Variants in PCDH9 observed in about 807,000 individuals in gnomAD.
The protein encoded by PCDH9 is protocadherin 9, also known as protocadherin-9.
A neutral mutation model predicts 70.6 loss-of-function variants in PCDH9; 24 were observed. That is an observed-to-expected ratio of 0.34 (90% confidence interval 0.25 to 0.48). The LOEUF is 0.48. Ranked by LOEUF, PCDH9 falls within the 20% of genes least tolerant of loss-of-function variation. The pLI is 0.99. For missense variants in PCDH9, 1,281 were observed against 1,503.6 expected (o/e 0.85, Z 2.45); for synonymous variants, 562 against 558.5 (o/e 1.01, Z -0.09).
At chr13:66,834,937 T>G (rs2080991039) in intron 3 of PCDH9, among the ~76,000 whole-genome samples, 1 of 152,208 alleles carries the variant, frequency 6.6e-6, no homozygotes, top group Non-Finnish European at 1.5e-5. Context: ...TAAGTTGAGG[T>G]CAGAAAATAT....
chr13:67,111,190 C>T (rs2086652320), intron 2 of PCDH9, among the ~76,000 whole-genome samples: 1 of 152,252 alleles, frequency 6.6e-6, no homozygotes, highest in African/African-American at 2.4e-5. Flanking sequence ...TTTCTAATCA[C>T]TTTTTGTAAA....
chr13:67,055,278 G>A (rs1209456674), intron 2 of PCDH9, among the ~76,000 whole-genome samples: 1 of 152,180 alleles, frequency 6.6e-6, no homozygotes, highest in Non-Finnish European at 1.5e-5. Flanking sequence ...ATTGGTCAAA[G>A]TGAACTCTGA....
rs547235297 is a variant in PCDH9 at position 66,611,711 on chromosome 13, A to C, written c.3340+19499T>G. On this transcript the variant is annotated intron_variant, in intron 4 of 4. Coordinates refer to ENST00000377865, the MANE Select transcript of PCDH9 (RefSeq NM_203487.3). ...ATTTGAATATAGGGAAGACTGGTCT[A>C]ATATTTCTTTCCTTGTTTGTTGTGA... is the stretch of plus-strand genomic sequence containing the variant. 1.6e-4 allele frequency among the ~76,000 whole-genome samples: 24 copies of C among 152,300 alleles called. No homozygotes were observed. In the South Asian group the frequency reaches 5.0e-3, roughly 32 times the overall value.
At chr13:66,749,955 TC>T (rs1236450170) in intron 3 of PCDH9, among the ~76,000 whole-genome samples, 2 of 152,080 alleles carry the variant, frequency 1.3e-5, no homozygotes. Flanking sequence ...TTTTGATCTG[TC>T]CATTTAAAAA....
At chr13:66,870,717 T>C (rs982466768) in intron 3 of PCDH9, among the ~76,000 whole-genome samples, 5 of 152,020 alleles carry the variant, frequency 3.3e-5, no homozygotes, top group African/African-American at 7.2e-5. Flanking sequence ...AGAATGGCAA[T>C]CATTAAAAAG....
intron 4 of PCDH9, among the ~76,000 whole-genome samples, chr13:66,361,422 A>G (rs1339672724): frequency 6.6e-6 from 1 of 152,194 alleles, no homozygotes; most frequent in Non-Finnish European, 1.5e-5. Context: ...TAATACAGAA[A>G]GAGTATTCTC....
intron 2 of PCDH9, among the ~76,000 whole-genome samples, chr13:67,010,488 C>T (rs1566360827): frequency 6.6e-6 from 1 of 152,120 alleles, no homozygotes; most frequent in East Asian, 1.9e-4. Context: ...AACAGGTATA[C>T]TTGGAAGTCA....
chr13:66,939,924 C>A (rs1360496738), intron 2 of PCDH9, among the ~76,000 whole-genome samples: 1 of 152,022 alleles, frequency 6.6e-6, no homozygotes, highest in Non-Finnish European at 1.5e-5. Context: ...CTTAGTTCTT[C>A]AATTTGATGT....
chr13:66,729,191 G>C (rs572907257), intron 3 of PCDH9, among the ~76,000 whole-genome samples: 1 of 152,036 alleles, frequency 6.6e-6, no homozygotes, highest in South Asian at 2.1e-4. Flanking sequence ...TGTTTCTTTG[G>C]TGAGTGAAAG....
intron 2 of PCDH9, among the ~76,000 whole-genome samples, chr13:67,084,729 G>A (rs965503093): frequency 7.9e-5 from 12 of 151,670 alleles, no homozygotes; most frequent in Non-Finnish European, 1.6e-4. Flanking sequence ...CTAGCACTTT[G>A]GTGGCTGAGG....
intron 3 of PCDH9, among the ~76,000 whole-genome samples, chr13:66,792,137 T>C (rs1218639750): frequency 1.3e-5 from 2 of 152,190 alleles, no homozygotes; most frequent in Non-Finnish European, 2.9e-5. Flanking sequence ...AGTCAGTAAA[T>C]GAAAACATTT....
At chr13:67,028,812 A>G (rs1016618018) in intron 2 of PCDH9, among the ~76,000 whole-genome samples, 8 of 152,146 alleles carry the variant, frequency 5.3e-5, no homozygotes, top group African/African-American at 1.9e-4. Context: ...TGAAACCTCA[A>G]TTTTAATGAA....
At position 66,928,858 on chromosome 13, in the gene PCDH9, GAA is replaced by G. The variant is rs56344128; in HGVS notation, c.3037-25255_3037-25254del. Among the ~76,000 whole-genome samples the G allele has an allele frequency of 7.3e-5, 11 of 150,512 alleles. No individual in the cohort carries two copies. In the East Asian group the frequency reaches 1.8e-3, roughly 24 times the overall value. On this transcript the variant is annotated intron_variant, in intron 2 of 4. Coordinates refer to ENST00000377865, the MANE Select transcript of PCDH9 (RefSeq NM_203487.3). Reference sequence around the variant, plus strand: ...ACAGACTAAGACAGACATAACGAGGGAAAAAAAAATGACTTTGTGTTTCCAGT... The same window carrying G: ...ACAGACTAAGACAGACATAACGAGGGAAAAAAATGACTTTGTGTTTCCAGT...
At chr13:67,026,517 C>T (rs2084784946) in intron 2 of PCDH9, among the ~76,000 whole-genome samples, 1 of 152,010 alleles carries the variant, frequency 6.6e-6, no homozygotes, top group Admixed American at 6.6e-5. Flanking sequence ...ACAGGGATGC[C>T]CTCCCTCACC....
At chr13:66,624,945 T>C (rs114708537) in intron 4 of PCDH9, among the ~76,000 whole-genome samples, 625 of 52,452 alleles carry the variant, frequency 0.012, 3 homozygotes, top group African/African-American at 0.036. Context: ...TCTGGAAAAT[T>C]TAAAACACGT....
chr13:67,010,089 A>G (rs538915399), intron 2 of PCDH9, among the ~76,000 whole-genome samples: 52 of 152,144 alleles, frequency 3.4e-4, no homozygotes, highest in African/African-American at 1.2e-3. Flanking sequence ...AAAAGCTTAT[A>G]TTTATTGAAG....
rs544924550 is a variant in PCDH9, at chr13:67,084,271, G to A, written c.3036+141134C>T. Among the ~76,000 whole-genome samples, 3 of 152,054 alleles carry A rather than the reference G, an allele frequency of 2.0e-5. No homozygotes were observed. The South Asian group carries it at 6.2e-4, about 32-fold the overall frequency. Reference sequence around the variant, plus strand: ...CAGACCTCAGATAAGGGAGAACTGGGGACTGAACTCTGACCCCATTCTTCT... The same window carrying A: ...CAGACCTCAGATAAGGGAGAACTGGAGACTGAACTCTGACCCCATTCTTCT... On this transcript the variant is annotated intron_variant, in intron 2 of 4. Coordinates refer to ENST00000377865, the MANE Select transcript of PCDH9 (RefSeq NM_203487.3).
chr13:66,364,875 C>T (rs907264300), intron 4 of PCDH9, among the ~76,000 whole-genome samples: 2 of 152,078 alleles, frequency 1.3e-5, no homozygotes, highest in African/African-American at 4.8e-5. Flanking sequence ...ACTGCCAATG[C>T]GAACGGCAGA....
chr13:66,918,528 G>C (rs2082591554), intron 2 of PCDH9, among the ~76,000 whole-genome samples: 1 of 151,072 alleles, frequency 6.6e-6, no homozygotes, highest in Non-Finnish European at 1.5e-5. Context: ...TTCAAATTCA[G>C]TATTACTTAG....
Sources: allele counts gnomAD v4.1 joint callset (sites outside exome capture counted in the v4.1 genomes callset), GRCh38; gene constraint gnomAD v4.1.1; transcripts MANE v1.5; gene names NCBI Gene and HGNC (gene_info 2026-07-23, HGNC 2026-07-21).